The following PCLO variants were observed in gnomAD, a reference collection of about 807,000 sequenced individuals.
The protein encoded by PCLO is piccolo presynaptic cytomatrix protein.
Under a neutral mutation model 427.5 loss-of-function variants are expected in PCLO, and 82 were observed. The observed-to-expected ratio is 0.19, with a 90% CI of 0.16 to 0.23. PCLO has a LOEUF of 0.23. PCLO is among the 10% of genes least tolerant of loss of function. The probability of loss-of-function intolerance (pLI) is 1.00; values close to 1 mark genes in which losing one functional copy is unlikely to be tolerated. For synonymous variants in PCLO, 2,357 were observed against 2,155.4 expected (o/e 1.09, Z -2.59); for missense variants, 6,239 against 6,115.9 (o/e 1.02, Z -0.67).
intron 13 of PCLO, 132 bp from the exon 14 acceptor site, chr7:82,841,641 C>A: frequency 3.2e-6 from 2 of 629,190 alleles, no homozygotes; most frequent in Non-Finnish European, 2.8e-6. Context: ...ATCCATTTGG[C>A]TGCTTCAGAA....
chr7:82,901,541 A>G (rs573249466), intron 9 of PCLO, among the ~76,000 whole-genome samples: 76 of 152,198 alleles, frequency 5.0e-4, no homozygotes, highest in Admixed American at 1.3e-3. Flanking sequence ...TAAAACACCA[A>G]AAGCAATGGC....
intron 22 of PCLO, among the ~76,000 whole-genome samples, chr7:82,786,232 A>G (rs1251685423): frequency 2.0e-5 from 3 of 152,234 alleles, no homozygotes; most frequent in Non-Finnish European, 4.4e-5. Context: ...GACAGTGATT[A>G]GAAGAATAAT....
rs371425641 is a variant in PCLO at position 82,926,179 on chromosome 7, A to C, written c.11113-9306T>G. On this transcript the variant is annotated intron_variant, in intron 6 of 24. Coordinates refer to ENST00000333891, the MANE Select transcript of PCLO (RefSeq NM_033026.6). ...GCACAGTGTTTTGCATGTAGAAAAC[A>C]AGACCATCAAATTCTTCAATTAGAG... Among the ~76,000 whole-genome samples the C allele has an allele frequency of 3.3e-5, 5 of 152,320 alleles. No homozygotes were observed. The South Asian group carries it at 6.2e-4, about 19-fold the overall frequency.
In PCLO at chr7:82,953,514, G is replaced by A; in HGVS notation, c.7439C>T (p.Thr2480Ile). 1.2e-6 allele frequency: 2 copies of A among 1,613,520 alleles called. No individual in the cohort carries two copies. The highest frequency in any genetic ancestry group is 1.7e-6 in the Non-Finnish European group (2 of 1,179,776). The change falls in exon 5 of 25, where the codon ACT becomes ATT. Residue 2480 changes from threonine (T) to isoleucine (I), a missense_variant. By Grantham distance (89) the Thr-to-Ile change is moderately conservative (BLOSUM62 -1). Around this residue, in one of 5 missense-constraint regions of PCLO, gnomAD observed 4,677 missense variants for 4,468.4 expected, o/e 1.05. Transcript: ENST00000333891. The stretch of plus-strand genomic sequence containing the variant: ...AGGAGGAACAGGAGGAGGTGCAGTA[G>A]TACATATTCTTGTAACAGGTAATCC... ...SNGLPVTRICTTAPPPVPPKP... is the reference protein window; with the variant it reads ...SNGLPVTRICITAPPPVPPKP...
chr7:82,867,419 A>G (rs1200517814), intron 10 of PCLO, among the ~76,000 whole-genome samples: 1 of 152,202 alleles, frequency 6.6e-6, no homozygotes. Context: ...AATCCAGGCA[A>G]TAAGTACCAG....
chr7:83,081,484 T>G (rs992325053), intron 3 of PCLO, among the ~76,000 whole-genome samples: 3 of 151,904 alleles, frequency 2.0e-5, no homozygotes, highest in Non-Finnish European at 4.4e-5. Context: ...CCAGACTATA[T>G]TTAAATACTT....
At chr7:82,799,479 G>T (rs1237704039) in intron 22 of PCLO, among the ~76,000 whole-genome samples, 1 of 152,144 alleles carries the variant, frequency 6.6e-6, no homozygotes, top group African/African-American at 2.4e-5. Context: ...GCAAAATTGG[G>T]GAGAGGGTGA....
rs1305916347 is a variant in PCLO, at chr7:82,966,971, C to T, written c.3301-484G>A. Among the ~76,000 whole-genome samples, 3 of 151,982 alleles carry T rather than the reference C, an allele frequency of 2.0e-5. No homozygotes were observed. The South Asian group carries it at 6.2e-4, about 32-fold the overall frequency. On this transcript the variant is annotated intron_variant, in intron 3 of 24. Transcript: ENST00000333891. ...ATTATCTCCTATCTCTTGACTTGGG[C>T]CAAATATAGTTCTACCTTTCAGAGT...
At chr7:82,977,380 TTTTATTTATTTATTTA>T (rs200252038) in intron 3 of PCLO, among the ~76,000 whole-genome samples, 19 of 132,770 alleles carry the variant, frequency 1.4e-4, no homozygotes, top group Admixed American at 6.0e-4. Context: ...AATTCATCTT[TTTTATTTATTTATTTA>T]TTTATTTATT....
intron 2 of PCLO, among the ~76,000 whole-genome samples, chr7:83,145,901 T>C (rs1791982906): frequency 6.6e-6 from 1 of 152,188 alleles, no homozygotes; most frequent in Admixed American, 6.5e-5. Flanking sequence ...AACTTTAAAA[T>C]CTCATATTTT....
At chr7:82,985,936 AAATATTCATTTTAGTGTTAACTTT>A (rs1796247017) in intron 3 of PCLO, among the ~76,000 whole-genome samples, 4 of 152,076 alleles carry the variant, frequency 2.6e-5, no homozygotes, top group Admixed American at 2.6e-4. Context: ...TTTTAGAAAC[AAATATTCATTTTAGTGTTAACTTT>A]AAAAGAGAAA....
At chr7:82,839,057 C>T (rs1007124147) in intron 14 of PCLO, among the ~76,000 whole-genome samples, 3 of 151,854 alleles carry the variant, frequency 2.0e-5, no homozygotes, top group Non-Finnish European at 1.5e-5. Flanking sequence ...GAGAAAACTG[C>T]ATAATTCAAA....
At chr7:82,917,056 A>T (rs1430121081) in intron 6 of PCLO, among the ~76,000 whole-genome samples, 183 bp from the exon 7 acceptor site, 1 of 152,264 alleles carries the variant, frequency 6.6e-6, no homozygotes, top group Non-Finnish European at 1.5e-5. Context: ...CTGAAAAATA[A>T]TTTTTTAAAT....
At chr7:82,865,075 A>C (rs1793059851) in intron 10 of PCLO, among the ~76,000 whole-genome samples, 1 of 152,292 alleles carries the variant, frequency 6.6e-6, no homozygotes, top group South Asian at 2.1e-4. Context: ...ATAAAGAAGT[A>C]TTACAGAATG....
chr7:82,942,218 A>T (rs1364164038), intron 6 of PCLO, among the ~76,000 whole-genome samples: 2 of 152,208 alleles, frequency 1.3e-5, no homozygotes, highest in Non-Finnish European at 2.9e-5. Flanking sequence ...ATATGCTGAA[A>T]TACATAGGAA....
intron 21 of PCLO, among the ~76,000 whole-genome samples, chr7:82,804,214 A>G (rs1013190131): frequency 1.3e-5 from 2 of 152,202 alleles, no homozygotes; most frequent in Admixed American, 6.5e-5. Context: ...GATTTCTTTT[A>G]GGAAGAATTT....
chr7:83,091,427 GT>G (rs541003097), intron 3 of PCLO, among the ~76,000 whole-genome samples: 256 of 152,166 alleles, frequency 1.7e-3, no homozygotes, highest in African/African-American at 5.9e-3. Flanking sequence ...GATAAATAAA[GT>G]TTTTTCCCCA....
chr7:82,993,133 T>C (rs899652499), intron 3 of PCLO, among the ~76,000 whole-genome samples: 2 of 152,038 alleles, frequency 1.3e-5, no homozygotes, highest in Non-Finnish European at 2.9e-5. Flanking sequence ...CCCCTTCCTC[T>C]AGATTGTACC....
chr7:83,156,499 G>GTA, intron 1 of PCLO, 107 bp from the exon 2 acceptor site: 1 of 675,770 alleles, frequency 1.5e-6, no homozygotes, highest in Non-Finnish European at 2.4e-6. Context: ...AATTATGAAT[G>GTA]TATAAATATA....
Sources: allele counts gnomAD v4.1 joint callset (sites outside exome capture counted in the v4.1 genomes callset), GRCh38; gene constraint gnomAD v4.1.1; regional missense constraint gnomAD v4.1.1; transcripts MANE v1.5; gene names NCBI Gene and HGNC (gene_info 2026-07-23, HGNC 2026-07-21).